The following NUB1 variants were observed in gnomAD, a reference collection of about 807,000 sequenced individuals.
NUB1 encodes negative regulator of ubiquitin like proteins 1.
In NUB1, 41 loss-of-function variants were observed where a neutral mutation model predicts 77.1. The observed-to-expected ratio is 0.53, with a 90% CI of 0.41 to 0.69. NUB1 has a LOEUF of 0.69. Ranked by LOEUF, NUB1 falls within the 30% of genes least tolerant of loss-of-function variation. The pLI is 0.00. For missense variants in NUB1, 643 were observed against 743.8 expected, an observed-to-expected ratio of 0.86 and a Z score of 1.58; for synonymous variants, 257 against 281.0, an observed-to-expected ratio of 0.91 and a Z score of 0.85.
intron 11 of NUB1, among the ~76,000 whole-genome samples, chr7:151,371,709 G>A (rs1031069931): frequency 5.3e-5 from 8 of 152,154 alleles, no homozygotes; most frequent in Non-Finnish European, 1.5e-5. Flanking sequence ...AACGTTCTAG[G>A]TATGAGCATC....
At chr7:151,342,495 G>T (rs1315949760) in intron 1 of NUB1, among the ~76,000 whole-genome samples, 1 of 152,198 alleles carries the variant, frequency 6.6e-6, no homozygotes, top group Non-Finnish European at 1.5e-5. Context: ...TTCACTTTCT[G>T]CTTGGACCAC....
chr7:151,363,225 G>A (rs979992791), intron 8 of NUB1, among the ~76,000 whole-genome samples: 84 of 152,292 alleles, frequency 5.5e-4, no homozygotes, highest in African/African-American at 1.8e-3. Context: ...TTAAAACAGT[G>A]ACTGTAATCC....
intron 12 of NUB1, 57 bp downstream of exon 12, chr7:151,374,300 G>T: frequency 2.6e-6 from 4 of 1,539,656 alleles, no homozygotes; most frequent in Non-Finnish European, 3.5e-6. Context: ...CCTGCCCAGA[G>T]CTCCCTCCAT....
At chr7:151,376,910 C>T (rs779490882) in intron 14 of NUB1, 99 bp downstream of exon 14, 95 of 1,428,522 alleles carry the variant, frequency 6.7e-5, no homozygotes, top group Non-Finnish European at 8.4e-5. Flanking sequence ...ACTGAGGGGG[C>T]GTCCCCTGAC....
intron 11 of NUB1, 46 bp downstream of exon 11, chr7:151,368,933 A>G: frequency 1.9e-6 from 3 of 1,548,516 alleles, no homozygotes; most frequent in Non-Finnish European, 2.6e-6. Flanking sequence ...TGAAAGAACA[A>G]AAAAAGATAA....
rs572589223 is a variant in NUB1 at position 151,363,455 on chromosome 7, A to G, written c.800+3208A>G. 1.9e-4 allele frequency among the ~76,000 whole-genome samples: 13 copies of G among 67,950 alleles called. No individual in the cohort carries two copies. In the East Asian group the frequency reaches 7.9e-3, roughly 41 times the overall value. The allele number at this position is 67,950 out of a possible 152,430, so 44.6% of individuals were successfully genotyped here. On this transcript the variant is annotated intron_variant, in intron 8 of 14. Coordinates refer to ENST00000568733, the MANE Select transcript of NUB1 (RefSeq NM_001243351.2). ...ATCTGAAAAAACAGAGAAAAGGCTA[A>G]AAAAAAAAAAAAATGAACAGAGCAT... is the stretch of plus-strand genomic sequence containing the variant.
At chr7:151,352,394 G>T in intron 4 of NUB1, 1 of 279,242 alleles carries the variant, frequency 3.6e-6, no homozygotes, top group East Asian at 9.3e-5. Flanking sequence ...AATCCTGGGT[G>T]TTTCTGATAA....
chr7:151,349,392 T>C (rs1026389444), intron 3 of NUB1, among the ~76,000 whole-genome samples, 152 bp downstream of exon 3: 20 of 152,192 alleles, frequency 1.3e-4, no homozygotes, highest in African/African-American at 4.6e-4. Flanking sequence ...AAAGTCAATG[T>C]TACAAATTCT....
chr7:151,350,280 CTA>C (rs1796726062), intron 3 of NUB1, among the ~76,000 whole-genome samples: 1 of 152,254 alleles, frequency 6.6e-6, no homozygotes, highest in Admixed American at 6.5e-5. Context: ...GCGGGCCTGA[CTA>C]ATGTCAGGCC....
intron 5 of NUB1, among the ~76,000 whole-genome samples, chr7:151,354,509 T>G (rs1450693586): frequency 1.3e-5 from 2 of 152,226 alleles, no homozygotes; most frequent in Non-Finnish European, 2.9e-5. Context: ...GCATCTATGT[T>G]TACCCTTTTT....
At chr7:151,344,928 G>GA (rs1352631938) in intron 1 of NUB1, among the ~76,000 whole-genome samples, 3 of 151,886 alleles carry the variant, frequency 2.0e-5, no homozygotes, top group Admixed American at 6.6e-5. Flanking sequence ...TGAACCCAGG[G>GA]GGCGGAGCTT....
intron 8 of NUB1, among the ~76,000 whole-genome samples, chr7:151,363,262 C>T (rs1439712048): frequency 6.6e-6 from 1 of 152,108 alleles, no homozygotes; most frequent in Non-Finnish European, 1.5e-5. Flanking sequence ...AGAGGAACAA[C>T]TGAACATGTC....
At chr7:151,360,025 G>A (rs1797294761) in intron 7 of NUB1, 116 bp from the exon 8 acceptor site, 2 of 559,238 alleles carry the variant, frequency 3.6e-6, no homozygotes, top group Admixed American at 6.3e-5. Flanking sequence ...TTTAGATTGA[G>A]TTATGATCTT....
chr7:151,372,221 C>A lies in NUB1; in HGVS notation c.1249-1876C>A, dbSNP rs75024525. On this transcript the variant is annotated intron_variant, in intron 11 of 14. Coordinates refer to ENST00000568733, the MANE Select transcript of NUB1 (RefSeq NM_001243351.2). ...TCTCTTGAGATCTGATTCTACTTAA[C>A]TGTAGCCACTTCAGTGCAGTACTCA... 4.0e-3 allele frequency among the ~76,000 whole-genome samples: 603 copies of A among 152,346 alleles called. 3 individuals carry two copies. The highest frequency in any genetic ancestry group is 0.014 in the Middle Eastern group (4 of 294).
chr7:151,374,153 C>T lies in NUB1; in HGVS notation c.1305C>T (p.Asn435=). 1 of 1,576,796 alleles carries T rather than the reference C, an allele frequency of 6.3e-7. No homozygotes were observed. The highest frequency in any genetic ancestry group is 8.6e-7 in the Non-Finnish European group (1 of 1,161,742). ...EKEKKRRRLE[N]IRFLKGMGYS... is the part of the protein sequence containing the mutation. The stretch of plus-strand genomic sequence containing the variant: ...AGAAGAAAAGACGCCGCCTCGAGAA[C>T]ATCAGGTTTCTGAAAGGGATGGGCT... The change falls in exon 12 of 15, where the codon AAC becomes AAT. Residue 435 remains asparagine, a synonymous_variant. Transcript: ENST00000568733.
At chr7:151,370,290 A>G (rs1377408210) in intron 11 of NUB1, among the ~76,000 whole-genome samples, 1 of 151,724 alleles carries the variant, frequency 6.6e-6, no homozygotes, top group East Asian at 1.9e-4. Context: ...GGTTTTACCA[A>G]TTTGGCCAGG....
At position 151,345,464 on chromosome 7, in the gene NUB1, A is replaced by C; in HGVS notation, c.115A>C (p.Lys39Gln). 6.6e-7 allele frequency: 1 copy of C among 1,518,916 alleles called. No homozygotes were observed. Among genetic ancestry groups the C allele is most frequent in the Non-Finnish European group, 9.1e-7 (1 of 1,103,412 alleles). 94.1% of individuals were successfully genotyped at this position (1,518,916 alleles called of 1,614,324 possible). The change falls in exon 2 of 15, where the codon AAG becomes CAG. Residue 39 changes from lysine to glutamine, a missense_variant and splice_region_variant. By Grantham distance (53) the Lys-to-Gln change is moderately conservative. Coordinates refer to ENST00000568733, the MANE Select transcript of NUB1 (RefSeq NM_001243351.2). The stretch of plus-strand genomic sequence containing the variant: ...AAATAAAAAAGTTGGTTTGGCATTA[A>C]AGGTATTTTTCTTTTAAGACATCAA... ...DENKKVGLAL[K>Q]DLAKQYSDRL...
At chr7:151,365,839 G>A (rs1242129384) in intron 8 of NUB1, among the ~76,000 whole-genome samples, 1 of 152,056 alleles carries the variant, frequency 6.6e-6, no homozygotes, top group East Asian at 1.9e-4. Context: ...GTGTACATGG[G>A]CCCTCTTTAG....
intron 3 of NUB1, among the ~76,000 whole-genome samples, chr7:151,350,765 G>A (rs143344537): frequency 5.5e-4 from 84 of 152,066 alleles, no homozygotes; most frequent in Admixed American, 1.8e-3. Flanking sequence ...GTGGCTTGCC[G>A]CCCACATATA....
Sources: allele counts gnomAD v4.1 joint callset (sites outside exome capture counted in the v4.1 genomes callset), GRCh38; gene constraint gnomAD v4.1.1; transcripts MANE v1.5; gene names NCBI Gene and HGNC (gene_info 2026-07-23, HGNC 2026-07-21).